PREP: variants seen among roughly 807,000 people sequenced by gnomAD.
The protein encoded by PREP is prolyl endopeptidase, also known as dJ355L5.1 (prolyl endopeptidase).
Under a neutral mutation model 87.6 loss-of-function variants are expected in PREP, and 29 were observed. The ratio of observed to expected loss-of-function variants is 0.33; its 90% confidence interval spans 0.25 to 0.45. The LOEUF (loss-of-function observed/expected upper bound fraction) is 0.45. Ranked by LOEUF, PREP falls within the 20% of genes least tolerant of loss-of-function variation. PREP has a pLI of 1.00. For synonymous variants in PREP, 337 were observed against 328.6 expected (o/e 1.03, Z -0.28); for missense variants, 695 against 886.5 (o/e 0.78, Z 2.74).
In PREP at chr6:105,277,214, T is replaced by C. The variant is rs1354203507; in HGVS notation, c.*930A>G. ...GTATGACTATTTCTATTTCCAGGAG[T>C]GATCTATGCAGGAGAAACAGCTTGG... On this transcript the variant is annotated 3_prime_UTR_variant, in exon 15 of 15. Transcript: ENST00000652536. Among the ~76,000 whole-genome samples the C allele has an allele frequency of 2.0e-5, 3 of 146,672 alleles. No individual in the cohort carries two copies. The highest frequency in any genetic ancestry group is 4.4e-5 in the Non-Finnish European group (3 of 67,764).
chr6:105,282,240 C>T (rs184806306), intron 13 of PREP, among the ~76,000 whole-genome samples: 65 of 152,354 alleles, frequency 4.3e-4, no homozygotes, highest in Non-Finnish European at 8.1e-4. Context: ...TGTTCAAGAT[C>T]TCAGGACCTG....
At chr6:105,306,942 AC>A (rs1770669361) in intron 10 of PREP, among the ~76,000 whole-genome samples, 1 of 152,146 alleles carries the variant, frequency 6.6e-6, no homozygotes, top group Non-Finnish European at 1.5e-5. Context: ...CTGTGAGGAC[AC>A]CTTTGCTTTT....
chr6:105,402,600 T>C (rs1279891411), intron 1 of PREP, among the ~76,000 whole-genome samples: 1 of 152,134 alleles, frequency 6.6e-6, no homozygotes, highest in African/African-American at 2.4e-5. Flanking sequence ...CCATTGATTC[T>C]AGGAAGCGGC....
chr6:105,342,286 C>T (rs997432400), intron 7 of PREP, among the ~76,000 whole-genome samples: 2 of 151,812 alleles, frequency 1.3e-5, no homozygotes, highest in East Asian at 1.9e-4. Context: ...ACAAAAACCA[C>T]GATTATCCCA....
chr6:105,399,909 T>C (rs145126531), intron 1 of PREP, among the ~76,000 whole-genome samples: 76 of 152,282 alleles, frequency 5.0e-4, no homozygotes, highest in African/African-American at 1.7e-3. Flanking sequence ...GGGGCCAGAA[T>C]AGACACTTAA....
chr6:105,285,467 TG>T lies in PREP; in HGVS notation c.1549+18del. On this transcript the variant is annotated intron_variant, in intron 12 of 14. Transcript: ENST00000652536. ...TTTGATTATGTCAGACTTGTGTTTC[TG>T]TAGAGAAAACACCTCACCTTTATGC... The T allele has an allele frequency of 6.3e-7, 1 of 1,593,216 alleles. No homozygotes were observed. Among genetic ancestry groups the T allele is most frequent in the Non-Finnish European group, 8.6e-7 (1 of 1,161,108 alleles).
intron 10 of PREP, among the ~76,000 whole-genome samples, chr6:105,312,747 C>A (rs1205844391): frequency 6.6e-6 from 1 of 152,030 alleles, no homozygotes; most frequent in African/African-American, 2.4e-5. Flanking sequence ...GGACAGTTGG[C>A]GTTTGGATGA....
chr6:105,385,456 A>G (rs1240867985), intron 2 of PREP, among the ~76,000 whole-genome samples: 1 of 152,180 alleles, frequency 6.6e-6, no homozygotes, highest in Non-Finnish European at 1.5e-5. Context: ...TCATGCTAGT[A>G]ATTTTTAAAT....
intron 1 of PREP, among the ~76,000 whole-genome samples, chr6:105,402,043 C>T (rs1773444218): frequency 6.6e-6 from 1 of 152,194 alleles, no homozygotes; most frequent in Admixed American, 6.5e-5. Context: ...GCCCAGAATT[C>T]CGCCTACTGG....
intron 10 of PREP, among the ~76,000 whole-genome samples, chr6:105,294,999 C>G (rs1389547976): frequency 6.6e-6 from 1 of 152,104 alleles, no homozygotes; most frequent in Non-Finnish European, 1.5e-5. Flanking sequence ...TTCTCCTCCC[C>G]CAGGCTGCTG....
intron 14 of PREP, among the ~76,000 whole-genome samples, chr6:105,279,782 GA>G (rs1770038408): frequency 6.6e-6 from 1 of 152,178 alleles, no homozygotes; most frequent in South Asian, 2.1e-4. Context: ...ACATCATGGA[GA>G]AAAATATTTA....
chr6:105,285,171 C>T (rs1310266269), intron 12 of PREP, among the ~76,000 whole-genome samples: 2 of 152,156 alleles, frequency 1.3e-5, no homozygotes, highest in Admixed American at 1.3e-4. Context: ...CCAAAAAGCT[C>T]TCCGAGATTC....
Position 105,377,410 on chromosome 6 carries a change from C to T in PREP, c.230G>A (p.Ser77Asn). 1.2e-6 allele frequency: 2 copies of T among 1,611,270 alleles called. No homozygotes were observed. Among genetic ancestry groups the T allele is most frequent in the Non-Finnish European group, 1.7e-6 (2 of 1,179,248 alleles). ...CCGTTTTCCTTTCTTGAAGTGGCAA[C>T]TATACTTGGGATAATCATATAGTTC... ...MTELYDYPKY[S>N]CHFKKGKRYF... Residue 77 changes from serine (S) to asparagine (N), a missense_variant, in exon 3 of 15, where the codon AGT becomes AAT. Physicochemically the swap from Ser to Asn is conservative, Grantham distance 46 (BLOSUM62 1). Around this residue, in one of 5 missense-constraint regions of PREP, gnomAD observed 517 missense variants for 620.3 expected, o/e 0.83. Transcript: ENST00000652536.
At chr6:105,305,839 C>A (rs914859897) in intron 10 of PREP, among the ~76,000 whole-genome samples, 11 of 74,886 alleles carry the variant, frequency 1.5e-4, no homozygotes, top group Non-Finnish European at 2.7e-4. Context: ...CAGATATATC[C>A]TTTTCTTTTT....
chr6:105,397,341 T>C (rs1026026575), intron 2 of PREP, among the ~76,000 whole-genome samples: 6 of 135,636 alleles, frequency 4.4e-5, no homozygotes, highest in African/African-American at 2.1e-4. Flanking sequence ...ATATGAAAGC[T>C]TTATGTTTTT....
chr6:105,301,973 C>T (rs1386261606), intron 10 of PREP, among the ~76,000 whole-genome samples: 2 of 152,224 alleles, frequency 1.3e-5, no homozygotes, highest in African/African-American at 2.4e-5. Flanking sequence ...GGATCTCGTG[C>T]TATGGCACTT....
chr6:105,397,286 G>A (rs1464693853), intron 2 of PREP, among the ~76,000 whole-genome samples: 1 of 151,744 alleles, frequency 6.6e-6, no homozygotes, highest in East Asian at 1.9e-4. Flanking sequence ...CTTCATTACT[G>A]AATGGACTTC....
chr6:105,389,898 G>A (rs771345438), intron 2 of PREP, among the ~76,000 whole-genome samples: 21 of 152,132 alleles, frequency 1.4e-4, no homozygotes, highest in Non-Finnish European at 2.9e-4. Context: ...ACAAAAGCAA[G>A]CAAGCAAAGA....
intron 10 of PREP, among the ~76,000 whole-genome samples, chr6:105,318,524 G>A (rs1036753555): frequency 1.3e-5 from 2 of 152,132 alleles, no homozygotes; most frequent in African/African-American, 4.8e-5. Context: ...ATCCAGAGAA[G>A]GAGAAAGGGA....
Sources: gnomAD v4.1 joint callset for allele counts (sites outside exome capture counted in the v4.1 genomes callset) on GRCh38, gnomAD v4.1.1 for gene constraint, gnomAD v4.1.1 regional missense constraint, MANE v1.5 for transcripts, NCBI Gene and HGNC (gene_info 2026-07-23, HGNC 2026-07-21) for gene names.